Variants in CDK14 observed in about 807,000 individuals in gnomAD.
The protein encoded by CDK14 is cyclin dependent kinase 14.
CDK14 carries 34 observed loss-of-function variants against 60.7 expected under a neutral mutation model. The ratio of observed to expected loss-of-function variants is 0.56; its 90% confidence interval spans 0.43 to 0.75. The LOEUF is 0.75. CDK14 is among the 30% of genes least tolerant of loss of function. The pLI is 0.00. For missense variants in CDK14, 482 were observed against 564.1 expected, an observed-to-expected ratio of 0.85 and a Z score of 1.47; for synonymous variants, 197 against 203.7, an observed-to-expected ratio of 0.97 and a Z score of 0.28.
rs1489533878 is a variant in CDK14, at chr7:90,848,898, G to A, written c.545-14277G>A. ...GATATAATTTTATTTTTGCCTATTC[G>A]TTGGCTGAAATTACGACCATCCACA... On this transcript the variant is annotated intron_variant, in intron 5 of 14. Coordinates refer to ENST00000380050, the MANE Select transcript of CDK14 (RefSeq NM_001287135.2). 4.6e-5 allele frequency among the ~76,000 whole-genome samples: 7 copies of A among 152,112 alleles called. No individual in the cohort carries two copies. In the South Asian group the frequency reaches 6.2e-4, roughly 14 times the overall value.
intron 6 of CDK14, among the ~76,000 whole-genome samples, chr7:90,872,143 G>C (rs1791389862): frequency 6.6e-6 from 1 of 152,122 alleles, no homozygotes; most frequent in African/African-American, 2.4e-5. Flanking sequence ...TCTTAGACGA[G>C]GTAAACCTCC....
chr7:90,938,000 T>A (rs1335449215), intron 8 of CDK14, among the ~76,000 whole-genome samples: 1 of 152,252 alleles, frequency 6.6e-6, no homozygotes, highest in East Asian at 1.9e-4. Flanking sequence ...TAGAGTAAGT[T>A]CATGTTACAC....
intron 5 of CDK14, among the ~76,000 whole-genome samples, chr7:90,791,763 C>G (rs1028296012): frequency 6.6e-6 from 1 of 152,136 alleles, no homozygotes; most frequent in South Asian, 2.1e-4. Flanking sequence ...ACCTCTCTGT[C>G]TTATTTTACC....
intron 12 of CDK14, among the ~76,000 whole-genome samples, chr7:91,084,310 A>C (rs1168919370): frequency 1.3e-5 from 2 of 152,218 alleles, no homozygotes; most frequent in Non-Finnish European, 2.9e-5. Context: ...GATTTCATGC[A>C]GCCAGGAGAG....
intron 9 of CDK14, among the ~76,000 whole-genome samples, chr7:90,962,859 A>AT (rs895521311): frequency 2.0e-5 from 3 of 152,074 alleles, no homozygotes; most frequent in African/African-American, 7.2e-5. Context: ...TACATGTAAA[A>AT]TTTTTTAAGA....
At chr7:90,875,295 G>GT (rs1246179356) in intron 6 of CDK14, among the ~76,000 whole-genome samples, 1 of 152,180 alleles carries the variant, frequency 6.6e-6, no homozygotes, top group Non-Finnish European at 1.5e-5. Flanking sequence ...CCTTTTGGCT[G>GT]TTGTGAATAG....
intron 8 of CDK14, among the ~76,000 whole-genome samples, chr7:90,946,282 A>G (rs1285547454): frequency 6.6e-6 from 1 of 152,178 alleles, no homozygotes; most frequent in Non-Finnish European, 1.5e-5. Context: ...TGGAGATTCA[A>G]AGTTGTGACA....
intron 1 of CDK14, among the ~76,000 whole-genome samples, chr7:90,599,202 TA>T (rs1799262798): frequency 1.3e-5 from 2 of 152,216 alleles, no homozygotes; most frequent in Non-Finnish European, 2.9e-5. Context: ...TTTAGTGAAA[TA>T]ATGCATACCA....
intron 3 of CDK14, among the ~76,000 whole-genome samples, chr7:90,737,974 A>T (rs1210167175): frequency 6.6e-6 from 1 of 152,214 alleles, no homozygotes; most frequent in Non-Finnish European, 1.5e-5. Context: ...GGGTATCATT[A>T]CAGTGAACAC....
chr7:90,737,596 C>G (rs967559339), intron 3 of CDK14, among the ~76,000 whole-genome samples: 1 of 152,128 alleles, frequency 6.6e-6, no homozygotes, highest in Non-Finnish European at 1.5e-5. Context: ...TGCACAGCAC[C>G]TAGATCTATT....
chr7:91,182,231 C>T (rs765830895), intron 14 of CDK14, among the ~76,000 whole-genome samples: 9 of 151,934 alleles, frequency 5.9e-5, no homozygotes, highest in Non-Finnish European at 1.0e-4. Flanking sequence ...TCTCTTTTTG[C>T]AGTTCTTTGT....
At chr7:90,808,066 C>T (rs1788932190) in intron 5 of CDK14, among the ~76,000 whole-genome samples, 1 of 152,118 alleles carries the variant, frequency 6.6e-6, no homozygotes, top group African/African-American at 2.4e-5. Context: ...GGAGAAGTTC[C>T]CTAATCTAGC....
chr7:90,777,721 G>A (rs1259035114), intron 4 of CDK14, among the ~76,000 whole-genome samples: 2 of 152,194 alleles, frequency 1.3e-5, no homozygotes, highest in Non-Finnish European at 2.9e-5. Context: ...AGCCAAAACA[G>A]TAGCCTCTAT....
intron 12 of CDK14, among the ~76,000 whole-genome samples, chr7:91,098,791 C>T (rs1476605274): frequency 1.3e-5 from 2 of 152,046 alleles, no homozygotes; most frequent in African/African-American, 4.8e-5. Flanking sequence ...CTTTAAAAAG[C>T]GTGACAGCAA....
intron 8 of CDK14, among the ~76,000 whole-genome samples, chr7:90,949,150 T>C (rs1157017669): frequency 6.6e-6 from 1 of 152,192 alleles, no homozygotes; most frequent in African/African-American, 2.4e-5. Flanking sequence ...ATTTCTGTTA[T>C]TTAAAAATTA....
intron 4 of CDK14, among the ~76,000 whole-genome samples, chr7:90,751,139 A>T (rs1337978040): frequency 2.0e-5 from 3 of 152,164 alleles, no homozygotes; most frequent in Admixed American, 1.3e-4. Flanking sequence ...AAATCCCCTA[A>T]CCTTGCTAGA....
At chr7:91,021,462 A>C (rs1007362986) in intron 10 of CDK14, among the ~76,000 whole-genome samples, 2 of 152,200 alleles carry the variant, frequency 1.3e-5, no homozygotes, top group African/African-American at 4.8e-5. Flanking sequence ...TATCTACAAA[A>C]TGTGAGGATT....
At chr7:91,089,275 G>A (rs1014704690) in intron 12 of CDK14, among the ~76,000 whole-genome samples, 1 of 152,054 alleles carries the variant, frequency 6.6e-6, no homozygotes, top group Non-Finnish European at 1.5e-5. Flanking sequence ...AAAAATGACT[G>A]TCGACATACT....
chr7:91,001,194 G>T (rs1346723110), intron 10 of CDK14, among the ~76,000 whole-genome samples: 4 of 152,028 alleles, frequency 2.6e-5, no homozygotes, highest in Admixed American at 1.3e-4. Context: ...TTTAAATATT[G>T]GGGAGAAACA....
Sources: allele counts gnomAD v4.1 joint callset (sites outside exome capture counted in the v4.1 genomes callset), GRCh38; gene constraint gnomAD v4.1.1; transcripts MANE v1.5; gene names NCBI Gene and HGNC (gene_info 2026-07-23, HGNC 2026-07-21).